The following TRAK2 variants were observed in gnomAD, a reference collection of about 807,000 sequenced individuals.
The protein encoded by TRAK2 is trafficking kinesin-binding protein 2.
A neutral mutation model predicts 104.6 loss-of-function variants in TRAK2; 81 were observed. The ratio of observed to expected loss-of-function variants is 0.77; its 90% CI spans 0.65 to 0.93. The LOEUF is 0.93. TRAK2 is among the 40% of genes least tolerant of loss of function. TRAK2 has a pLI of 0.00. For missense variants in TRAK2, 1,002 were observed against 1,089.0 expected (o/e 0.92, Z 1.12); for synonymous variants, 406 against 394.4 (o/e 1.03, Z -0.35).
chr2:201,432,904 G>C (rs1049809921), intron 1 of TRAK2, among the ~76,000 whole-genome samples: 20 of 152,244 alleles, frequency 1.3e-4, no homozygotes, highest in South Asian at 4.1e-4. Context: ...AAACACATGT[G>C]GGCTGCTGAA....
intron 9 of TRAK2, 133 bp from the exon 10 acceptor site, chr2:201,393,179 C>T (rs1951463676): frequency 1.1e-6 from 1 of 873,130 alleles, no homozygotes; most frequent in Non-Finnish European, 1.7e-6. Flanking sequence ...CATTTCAATA[C>T]AAAGACTAAA....
Position 201,389,829 on chromosome 2 carries a change from C to T in TRAK2, c.1165G>A (p.Asp389Asn), listed in dbSNP as rs750728249. ...EGTMRKKLSL[D>N]EESSLFKQKA... ...TGTTTAAAGAGAGAAGATTCCTCAT[C>T]CAAACTCAGCTTTTTACGCATAGTC... The change falls in exon 11 of 16, where the codon GAT becomes AAT. Residue 389 changes from aspartate to asparagine, a missense_variant. Coordinates refer to ENST00000332624, the MANE Select transcript of TRAK2 (RefSeq NM_015049.3). 4 of 1,613,646 alleles carry T rather than the reference C, an allele frequency of 2.5e-6. No individual in the cohort carries two copies. In the East Asian group the frequency reaches 8.9e-5, roughly 36 times the overall value.
chr2:201,427,521 A>T (rs1239574042), intron 1 of TRAK2, among the ~76,000 whole-genome samples: 1 of 152,182 alleles, frequency 6.6e-6, no homozygotes, highest in Non-Finnish European at 1.5e-5. Flanking sequence ...TTATGGTTGC[A>T]TAGTATTCCA....
chr2:201,412,186 T>C (rs1377034267), intron 2 of TRAK2: 1 of 978,386 alleles, frequency 1.0e-6, no homozygotes, highest in East Asian at 2.4e-5. Flanking sequence ...GGTTTACAAA[T>C]TCTGAAGTCA....
intron 1 of TRAK2, among the ~76,000 whole-genome samples, chr2:201,446,426 G>T (rs1951964756): frequency 6.6e-6 from 1 of 152,178 alleles, no homozygotes; most frequent in Non-Finnish European, 1.5e-5. Context: ...AGGAGGTATT[G>T]CCTCCGAACA....
chr2:201,417,671 T>C (rs1171476895), intron 2 of TRAK2, among the ~76,000 whole-genome samples: 3 of 152,328 alleles, frequency 2.0e-5, no homozygotes, highest in African/African-American at 7.2e-5. Context: ...ACGTCAAGGA[T>C]GTTTGCTCTT....
rs1951405194 is a variant in TRAK2, at chr2:201,387,791, G to A, written c.1608C>T (p.Thr536=). Residue 536 remains threonine (T), a synonymous_variant, in exon 13 of 16, where the codon ACC becomes ACT. Coordinates refer to ENST00000332624, the MANE Select transcript of TRAK2 (RefSeq NM_015049.3). ...TPTESLASLC[T]TQSEITDLSS... is the part of the protein sequence containing the mutation. Reference sequence around the variant, plus strand: ...TGAGGTCTGTGATCTCTGACTGGGTGGTGCAGAGAGAGGCAAGGCTCTCTG... The same window carrying A: ...TGAGGTCTGTGATCTCTGACTGGGTAGTGCAGAGAGAGGCAAGGCTCTCTG... The A allele has an allele frequency of 1.2e-6, 2 of 1,613,998 alleles. No individual in the cohort carries two copies. The highest frequency in any genetic ancestry group is 1.7e-5 in the Admixed American group (1 of 59,992).
rs756859201 is a variant in TRAK2, at chr2:201,392,904, C to T, written c.1113+5G>A. 6.2e-7 allele frequency: 1 copy of T among 1,607,028 alleles called. No homozygotes were observed. Among genetic ancestry groups the T allele is most frequent in the Non-Finnish European group, 8.5e-7 (1 of 1,177,614 alleles). On this transcript the variant is annotated splice_donor_5th_base_variant and intron_variant, in intron 10 of 15. Coordinates refer to ENST00000332624, the MANE Select transcript of TRAK2 (RefSeq NM_015049.3). The stretch of plus-strand genomic sequence containing the variant: ...AAATACATAGCATCTTTCTTAGTTG[C>T]TTACCCCAGTAAAAGCTCCATATGA...
chr2:201,378,419 T>C lies in TRAK2; in HGVS notation c.*2124A>G, dbSNP rs1392365235. ...TTAACGTTGTACTACTCTCTGGCCCTACAGTTTCCTACTTCCTGATGTTTC... is the reference window on the plus strand; with the variant it reads ...TTAACGTTGTACTACTCTCTGGCCCCACAGTTTCCTACTTCCTGATGTTTC... On this transcript the variant is annotated 3_prime_UTR_variant, in exon 16 of 16. Coordinates refer to ENST00000332624, the MANE Select transcript of TRAK2 (RefSeq NM_015049.3). 1 of 152,320 alleles carries C rather than the reference T, an allele frequency of 6.6e-6. No individual in the cohort carries two copies. The highest frequency in any genetic ancestry group is 1.9e-4 in the East Asian group (1 of 5,182). 9.4% of individuals were successfully genotyped at this position (152,320 alleles called of 1,614,324 possible). A position where few individuals can be genotyped will look rare whatever the true frequency, so the allele number is the denominator to read the frequency against.
At chr2:201,385,587 A>G (rs1215005779) in intron 14 of TRAK2, among the ~76,000 whole-genome samples, 3 of 152,190 alleles carry the variant, frequency 2.0e-5, no homozygotes, top group South Asian at 2.1e-4. Context: ...TTTTAGTGTA[A>G]TATCAAAAAA....
chr2:201,413,378 T>C lies in TRAK2; in HGVS notation c.92-5781A>G, dbSNP rs1951665018. 4 of 659,870 alleles carry C rather than the reference T, an allele frequency of 6.1e-6. No homozygotes were observed. In the South Asian group the frequency reaches 9.2e-5, roughly 15 times the overall value. 40.9% of individuals were successfully genotyped at this position (659,870 alleles called of 1,614,324 possible). ...CAGGAGGGGCAGAACTGGGCCTCTT[T>C]TTCCCCACCCCCCTAAACACAGGCT... On this transcript the variant is annotated intron_variant, in intron 2 of 15. Transcript: ENST00000332624.
chr2:201,389,489 C>T lies in TRAK2; in HGVS notation c.1208G>A (p.Arg403Gln), dbSNP rs771972370. The T allele has an allele frequency of 8.7e-6, 14 of 1,613,832 alleles. No individual in the cohort carries two copies. The highest frequency in any genetic ancestry group is 6.7e-5 in the Admixed American group (4 of 59,988). The change falls in exon 12 of 16, where the codon CGG becomes CAG. Residue 403 changes from arginine (R) to glutamine (Q), a missense_variant. Coordinates refer to ENST00000332624, the MANE Select transcript of TRAK2 (RefSeq NM_015049.3). ...GGCAATCCTGACGGTATCAAATACCCGCTTCTGTTGGGCTCTGTCAAAAAA... is the reference window on the plus strand; with the variant it reads ...GGCAATCCTGACGGTATCAAATACCTGCTTCTGTTGGGCTCTGTCAAAAAA... ...SLFKQKAQQK[R>Q]VFDTVRIAND... is the part of the protein sequence containing the mutation.
intron 1 of TRAK2, among the ~76,000 whole-genome samples, chr2:201,439,885 G>A (rs1951906417): frequency 7.4e-6 from 1 of 135,318 alleles, no homozygotes; most frequent in African/African-American, 2.8e-5. Context: ...ATTGAACAAT[G>A]AGAAAACATG....
intron 3 of TRAK2, among the ~76,000 whole-genome samples, chr2:201,404,411 T>C (rs910786850): frequency 1.3e-5 from 2 of 152,198 alleles, no homozygotes; most frequent in African/African-American, 4.8e-5. Flanking sequence ...CAGAACAATT[T>C]TGCAACTTGG....
At position 201,399,379 on chromosome 2, in the gene TRAK2, G is replaced by A. The variant is rs748223954; in HGVS notation, c.478C>T (p.Gln160Ter). 3 of 1,600,606 alleles carry A rather than the reference G, an allele frequency of 1.9e-6. No homozygotes were observed. Among genetic ancestry groups the A allele is most frequent in the Non-Finnish European group, 2.6e-6 (3 of 1,169,064 alleles). ...LEEQLGQAFD[Q>*]VNQLQHELCK... The stretch of plus-strand genomic sequence containing the variant: ...CAGACATTTGATCAAAGGCTTACTT[G>A]ATCAAAGGCTTGTCCCAATTGCTCC... Residue 160 changes from glutamine to a stop codon, truncating the protein, a stop_gained and splice_region_variant, in exon 5 of 16, where the codon CAA becomes TAA. Transcript: ENST00000332624. LOFTEE classifies it high-confidence loss of function.
chr2:201,388,127 G>A, intron 12 of TRAK2, 126 bp from the exon 13 acceptor site: 1 of 1,015,080 alleles, frequency 9.9e-7, no homozygotes, highest in South Asian at 1.3e-5. Context: ...CTAGATACCT[G>A]GAATATAGAA....
chr2:201,421,387 G>A (rs776003610), intron 1 of TRAK2, among the ~76,000 whole-genome samples: 3 of 152,112 alleles, frequency 2.0e-5, no homozygotes, highest in African/African-American at 4.8e-5. Context: ...TGAAGAAGAC[G>A]AAATGGAATA....
intron 1 of TRAK2, among the ~76,000 whole-genome samples, chr2:201,437,530 A>G (rs902365859): frequency 2.0e-5 from 3 of 152,146 alleles, no homozygotes; most frequent in Non-Finnish European, 2.9e-5. Context: ...CTCCCATTAA[A>G]TATTTTTCTT....
chr2:201,441,465 C>T (rs550459264), intron 1 of TRAK2, among the ~76,000 whole-genome samples: 19 of 152,266 alleles, frequency 1.2e-4, no homozygotes, highest in African/African-American at 4.6e-4. Flanking sequence ...CTAATAAAAG[C>T]TTCATTTGTA....
Sources: allele counts gnomAD v4.1 joint callset (sites outside exome capture counted in the v4.1 genomes callset), GRCh38; gene constraint gnomAD v4.1.1; transcripts MANE v1.5; gene names NCBI Gene and HGNC (gene_info 2026-07-23, HGNC 2026-07-21).